Variants in AMOTL2 observed in about 807,000 individuals in gnomAD.
The protein encoded by AMOTL2 is angiomotin like 2, also known as angiomotin-like protein 2.
AMOTL2 carries 33 observed loss-of-function variants against 78.4 expected under a neutral mutation model. That is an observed-to-expected ratio of 0.42 (90% CI 0.32 to 0.56). The LOEUF (loss-of-function observed/expected upper bound fraction) is 0.56, where lower values mean the gene tolerates loss of function less well. Ranked by LOEUF, AMOTL2 falls within the 20% of genes least tolerant of loss-of-function variation. The probability of loss-of-function intolerance (pLI) is 0.12; values close to 1 mark genes in which losing one functional copy is unlikely to be tolerated. For synonymous variants in AMOTL2, 422 were observed against 428.8 expected (o/e 0.98, Z 0.20); for missense variants, 983 against 1,030.1 (o/e 0.95, Z 0.63).
rs1416017784 is a variant in AMOTL2 at position 134,360,299 on chromosome 3, C to T, written c.1690G>A (p.Ala564Thr). ...EKEEQILALEADMTKWEQKYL... is the reference protein window; with the variant it reads ...EKEEQILALETDMTKWEQKYL... The stretch of plus-strand genomic sequence containing the variant: ...TTCTGCTCCCACTTGGTCATGTCGG[C>T]CTCCAGCGCCAGGATCTGCTCCTCC... The change falls in exon 7 of 10, where the codon GCC (alanine) becomes ACC (threonine). Residue 564 changes from alanine to threonine, a missense_variant. By Grantham distance (58) the Ala-to-Thr change is moderately conservative. Transcript: ENST00000249883. 6.2e-7 allele frequency: 1 copy of T among 1,614,252 alleles called. No homozygotes were observed. The highest frequency in any genetic ancestry group is 8.5e-7 in the Non-Finnish European group (1 of 1,180,048).
chr3:134,374,841 G>A, upstream of AMOTL2: 2 of 1,160,076 alleles, frequency 1.7e-6, no homozygotes, highest in Non-Finnish European at 2.1e-6. Context: ...ACCCATCGAC[G>A]GGACGACAGC....
At chr3:134,370,585 G>T in intron 2 of AMOTL2, 115 bp downstream of exon 2, 1 of 1,331,778 alleles carries the variant, frequency 7.5e-7, no homozygotes, top group Non-Finnish European at 9.9e-7. Flanking sequence ...TCAGGTTGGA[G>T]GTGGGGTGGA....
chr3:134,368,381 C>A (rs1473370714), intron 2 of AMOTL2, among the ~76,000 whole-genome samples: 3 of 152,038 alleles, frequency 2.0e-5, no homozygotes, highest in Non-Finnish European at 4.4e-5. Context: ...CCACCCCCCA[C>A]CCCCCACTCA....
In AMOTL2 at chr3:134,357,418, C is replaced by T. The variant is rs1489127798; in HGVS notation, c.*287G>A. 1 of 412,226 alleles carries T rather than the reference C, an allele frequency of 2.4e-6. No homozygotes were observed. Among genetic ancestry groups the T allele is most frequent in the East Asian group, 4.0e-5 (1 of 25,188 alleles). 25.5% of individuals were successfully genotyped at this position (412,226 alleles called of 1,614,324 possible). ...CTTTCTGAGCTGTCAGTTGCTACCC[C>T]AGTAGCAGGCCTTGGGCAAGAAGTC... On this transcript the variant is annotated 3_prime_UTR_variant, in exon 10 of 10. Coordinates refer to ENST00000249883, the MANE Select transcript of AMOTL2 (RefSeq NM_016201.4).
In AMOTL2 at chr3:134,367,642, G is replaced by C. The variant is rs543417552; in HGVS notation, c.896C>G (p.Ala299Gly). The change falls in exon 3 of 10, where the codon GCC becomes GGC. Residue 299 changes from alanine to glycine, a missense_variant. Transcript: ENST00000249883. The stretch of plus-strand genomic sequence containing the variant: ...GCCCGAGGTGGCTGAGGAGGCCTGG[G>C]CACTCACTGGCCCCTCCACAGCAGG... ...SPPAVEGPVS[A>G]QASSATSGSA... The C allele has an allele frequency of 1.4e-5, 22 of 1,613,346 alleles. No individual in the cohort carries two copies. The African/African-American group carries it at 2.4e-4, about 18-fold the overall frequency.
In AMOTL2 at chr3:134,373,780, T is replaced by G. The variant is rs1369371332; in HGVS notation, c.-62+562A>C. 4 of 985,248 alleles carry G rather than the reference T, an allele frequency of 4.1e-6. No individual in the cohort carries two copies. The East Asian group carries it at 4.6e-4, about 112-fold the overall frequency. 61.0% of individuals were successfully genotyped at this position (985,248 alleles called of 1,614,324 possible). A position where few individuals can be genotyped will look rare whatever the true frequency, so the allele number is the denominator to read the frequency against. On this transcript the variant is annotated intron_variant, in intron 1 of 9. Transcript: ENST00000249883. ...TTTAAGCATCGCGGGTCCGCCTCCC[T>G]CCCTCTCGAGCCCTCTTTGTTTTCC... is the stretch of plus-strand genomic sequence containing the variant.
chr3:134,366,002 C>T (rs2017588154), intron 4 of AMOTL2, 93 bp from the exon 5 acceptor site: 3 of 1,338,292 alleles, frequency 2.2e-6, no homozygotes, highest in Non-Finnish European at 3.2e-6. Flanking sequence ...GCTGTATCCT[C>T]CATATTGGGG....
In AMOTL2 at chr3:134,356,595, G is replaced by C. The variant is rs113475432; in HGVS notation, c.*1110C>G. ...TTTGACTCTTGTAGCTCATTAACTA[G>C]TTTTCAACTGCTTTGCTCCTCTCCC... is the stretch of plus-strand genomic sequence containing the variant. On this transcript the variant is annotated 3_prime_UTR_variant, in exon 10 of 10. Coordinates refer to ENST00000249883, the MANE Select transcript of AMOTL2 (RefSeq NM_016201.4). 6.6e-6 allele frequency: 1 copy of C among 152,662 alleles called. No individual in the cohort carries two copies. The highest frequency in any genetic ancestry group is 2.4e-5 in the African/African-American group (1 of 41,454). 9.5% of individuals were successfully genotyped at this position (152,662 alleles called of 1,614,324 possible).
At chr3:134,375,003 T>C, upstream of AMOTL2, 1 of 1,411,314 alleles carries the variant, frequency 7.1e-7, no homozygotes, top group Non-Finnish European at 9.2e-7. Context: ...GCTGGGACAG[T>C]GCCCCGGGCT....
chr3:134,372,369 A>G (rs2017900731), intron 1 of AMOTL2, among the ~76,000 whole-genome samples: 1 of 152,192 alleles, frequency 6.6e-6, no homozygotes, highest in Admixed American at 6.5e-5. Context: ...TAAAGGATGA[A>G]TAAAAATGCT....
At chr3:134,368,352 C>T (rs1483328874) in intron 2 of AMOTL2, among the ~76,000 whole-genome samples, 2 of 152,132 alleles carry the variant, frequency 1.3e-5, no homozygotes, top group African/African-American at 2.4e-5. Context: ...TCATTTTCTC[C>T]TTCCTATTTC....
intron 1 of AMOTL2, among the ~76,000 whole-genome samples, chr3:134,372,699 G>C (rs547320607): frequency 2.0e-5 from 3 of 152,246 alleles, no homozygotes; most frequent in African/African-American, 7.2e-5. Flanking sequence ...GGAGGCTGTT[G>C]GTTGAGAGAC....
At chr3:134,363,032 A>C (rs2017442149) in intron 5 of AMOTL2, among the ~76,000 whole-genome samples, 1 of 152,282 alleles carries the variant, frequency 6.6e-6, no homozygotes, top group South Asian at 2.1e-4. Flanking sequence ...GTGGCTAGTA[A>C]GATGGGAGAA....
rs1472148990 is a variant in AMOTL2, at chr3:134,360,292, A to G, written c.1697T>C (p.Met566Thr). The change falls in exon 7 of 10, where the codon ATG (methionine) becomes ACG (threonine). Residue 566 changes from methionine (M) to threonine (T), a missense_variant. Met to Thr is a moderately conservative substitution (Grantham distance 81). Transcript: ENST00000249883. Reference sequence around the variant, plus strand: ...CAAATACTTCTGCTCCCACTTGGTCATGTCGGCCTCCAGCGCCAGGATCTG... The same window carrying G: ...CAAATACTTCTGCTCCCACTTGGTCGTGTCGGCCTCCAGCGCCAGGATCTG... ...EEQILALEAD[M>T]TKWEQKYLEE... is the part of the protein sequence containing the mutation. 1.2e-6 allele frequency: 2 copies of G among 1,614,090 alleles called. No individual in the cohort carries two copies. The highest frequency in any genetic ancestry group is 2.7e-5 in the African/African-American group (2 of 74,930).
intron 8 of AMOTL2, among the ~76,000 whole-genome samples, 189 bp from the exon 9 acceptor site, chr3:134,358,908 TGTTTTGG>T (rs1226692445): frequency 6.6e-6 from 1 of 152,226 alleles, no homozygotes; most frequent in Non-Finnish European, 1.5e-5. Context: ...GGCTTCCAAA[TGTTTTGG>T]GTGGTGGGAC....
chr3:134,370,587 T>A (rs2017802243), intron 2 of AMOTL2, 113 bp downstream of exon 2: 1 of 1,308,966 alleles, frequency 7.6e-7, no homozygotes, highest in East Asian at 2.5e-5. Flanking sequence ...AGGTTGGAGG[T>A]GGGGTGGATC....
chr3:134,360,569 A>G (rs534873665), intron 6 of AMOTL2, among the ~76,000 whole-genome samples, 156 bp from the exon 7 acceptor site: 2 of 152,342 alleles, frequency 1.3e-5, no homozygotes, highest in East Asian at 3.9e-4. Flanking sequence ...ATGGGGATAC[A>G]GCACAGGTCC....
intron 1 of AMOTL2, chr3:134,371,777 G>T: frequency 2.4e-6 from 1 of 413,402 alleles, no homozygotes; most frequent in African/African-American, 2.0e-5. Flanking sequence ...TGGCCTGCGA[G>T]CTCCTGGCAC....
Position 134,361,540 on chromosome 3 carries a change from T to G in AMOTL2, c.1547A>C (p.Gln516Pro). Residue 516 changes from glutamine (Q) to proline (P), a missense_variant, in exon 6 of 10, where the codon CAG becomes CCG. Gln to Pro is a moderately conservative substitution (Grantham distance 76). Coordinates refer to ENST00000249883, the MANE Select transcript of AMOTL2 (RefSeq NM_016201.4). ...LELRLRTRLEQELKALRAQQR... is the reference protein window; with the variant it reads ...LELRLRTRLEPELKALRAQQR... Reference sequence around the variant, plus strand: ...CTGTGCACGCAGGGCCTTGAGTTCCTGCTCCAGGCGAGTCCGCAGACGCAG... The same window carrying G: ...CTGTGCACGCAGGGCCTTGAGTTCCGGCTCCAGGCGAGTCCGCAGACGCAG... 1 of 1,612,510 alleles carries G rather than the reference T, an allele frequency of 6.2e-7. No individual in the cohort carries two copies. The highest frequency in any genetic ancestry group is 8.5e-7 in the Non-Finnish European group (1 of 1,179,348).
Sources: gnomAD v4.1 joint callset for allele counts (sites outside exome capture counted in the v4.1 genomes callset) on GRCh38, gnomAD v4.1.1 for gene constraint, MANE v1.5 for transcripts, NCBI Gene and HGNC (gene_info 2026-07-23, HGNC 2026-07-21) for gene names.